PRR9: variants seen among roughly 807,000 people sequenced by gnomAD.
PRR9 encodes the protein proline-rich protein 9.
Under a neutral mutation model 2.6 loss-of-function variants are expected in PRR9, and 3 were observed. That is an observed-to-expected ratio of 1.15 (90% CI 0.53 to 2.98). The LOEUF (loss-of-function observed/expected upper bound fraction) is 2.98, where lower values mean the gene tolerates loss of function less well. PRR9 is among the 30% of genes most tolerant of loss of function. The pLI, the probability that PRR9 is intolerant of heterozygous loss-of-function variation, is 0.03. For synonymous variants in PRR9, 48 were observed against 50.4 expected, an observed-to-expected ratio of 0.95 and a Z score of 0.20; for missense variants, 141 against 132.0, an observed-to-expected ratio of 1.07 and a Z score of -0.33.
chr1:153,218,214 C>T lies in PRR9; in HGVS notation c.70C>T (p.Gln24Ter), dbSNP rs1260816778. ...PPPCLPKTQE[Q>*]CQAKAEEVCL... Reference sequence around the variant, plus strand: ...TCCATGCCTCCCAAAGACCCAGGAGCAGTGCCAAGCAAAGGCTGAGGAGGT... The same window carrying T: ...TCCATGCCTCCCAAAGACCCAGGAGTAGTGCCAAGCAAAGGCTGAGGAGGT... Residue 24 changes from glutamine to a stop codon, truncating the protein, a stop_gained, in exon 2 of 2, where the codon CAG becomes TAG. Coordinates refer to ENST00000368744, the MANE Select transcript of PRR9 (RefSeq NM_001195571.2). LOFTEE classifies it low-confidence loss of function (END_TRUNC). 3.9e-6 allele frequency: 6 copies of T among 1,550,664 alleles called. No homozygotes were observed. In the South Asian group the frequency reaches 4.8e-5, roughly 12 times the overall value.
At position 153,218,558 on chromosome 1, in the gene PRR9, C is replaced by A; in HGVS notation, c.*63C>A. On this transcript the variant is annotated 3_prime_UTR_variant, in exon 2 of 2. Transcript: ENST00000368744. ...CAGATGAAACCCTGACCCCAGCCCA[C>A]GCTCTGGTGACCTTCTTCTGTGGGT... 2.4e-6 allele frequency: 3 copies of A among 1,237,084 alleles called. No homozygotes were observed. The highest frequency in any genetic ancestry group is 1.5e-5 in the South Asian group (1 of 68,398). 76.6% of individuals were successfully genotyped at this position (1,237,084 alleles called of 1,614,324 possible).
chr1:153,218,505 T>C lies in PRR9; in HGVS notation c.*10T>C, dbSNP rs1197072261. ...TGGCAAGGGAAAGTAGCTGCTCATA[T>C]GTCATCTGGGTTCAAGAAGATGGCC... On this transcript the variant is annotated 3_prime_UTR_variant, in exon 2 of 2. Coordinates refer to ENST00000368744, the MANE Select transcript of PRR9 (RefSeq NM_001195571.2). The C allele has an allele frequency of 2.6e-6, 4 of 1,540,796 alleles. No individual in the cohort carries two copies. The highest frequency in any genetic ancestry group is 3.5e-6 in the Non-Finnish European group (4 of 1,139,834).
rs886657062 is a variant in PRR9 at position 153,219,041 on chromosome 1, A to G, written c.*546A>G. The G allele has an allele frequency of 1.2e-5, 2 of 167,912 alleles. No homozygotes were observed. Among genetic ancestry groups the G allele is most frequent in the African/African-American group, 4.8e-5 (2 of 41,438 alleles). The allele number at this position is 167,912 out of a possible 1,614,324, so 10.4% of individuals were successfully genotyped here. A position where few individuals can be genotyped will look rare whatever the true frequency, so the allele number is the denominator to read the frequency against. On this transcript the variant is annotated 3_prime_UTR_variant, in exon 2 of 2. Coordinates refer to ENST00000368744, the MANE Select transcript of PRR9 (RefSeq NM_001195571.2). ...AGAACAGCAAATTATTGAACTTTGA[A>G]ATGTTGGTTGTGCTTTTTTAAAATG...
At position 153,218,433 on chromosome 1, in the gene PRR9, T is replaced by A; in HGVS notation, c.289T>A (p.Cys97Ser). The change falls in exon 2 of 2, where the codon TGT becomes AGT. Residue 97 changes from cysteine to serine, a missense_variant. Physicochemically the swap from Cys to Ser is moderately radical, Grantham distance 112 (BLOSUM62 -1). Coordinates refer to ENST00000368744, the MANE Select transcript of PRR9 (RefSeq NM_001195571.2). The stretch of plus-strand genomic sequence containing the variant: ...ATGCCAGGAGCTATTCCAGACAAAA[T>A]GTGTGGAGGTTTGCCCACAGAAAGT... ...EPCQELFQTK[C>S]VEVCPQKVQE... is the part of the protein sequence containing the mutation. The A allele has an allele frequency of 1.9e-6, 3 of 1,550,436 alleles. No homozygotes were observed. Among genetic ancestry groups the A allele is most frequent in the Non-Finnish European group, 1.7e-6 (2 of 1,146,966 alleles).
Position 153,218,256 on chromosome 1 carries a change from C to A in PRR9, c.112C>A (p.Gln38Lys). ...TGAGGAGGTGTGCCTCCCCACATGC[C>A]AGCACCCCTGCCAAGATAAGTGTCT... The part of the protein sequence containing the change: ...KAEEVCLPTC[Q>K]HPCQDKCLVQ... The change falls in exon 2 of 2, where the codon CAG (glutamine) becomes AAG (lysine). Residue 38 changes from glutamine (Q) to lysine (K), a missense_variant. Coordinates refer to ENST00000368744, the MANE Select transcript of PRR9 (RefSeq NM_001195571.2). The A allele has an allele frequency of 6.4e-7, 1 of 1,550,624 alleles. No homozygotes were observed. Among genetic ancestry groups the A allele is most frequent in the South Asian group, 1.2e-5 (1 of 84,064 alleles).
chr1:153,218,276 G>A lies in PRR9; in HGVS notation c.132G>A (p.Lys44=). The part of the protein sequence containing the change: ...LPTCQHPCQD[K]CLVQAQEVCL... ...CATGCCAGCACCCCTGCCAAGATAA[G>A]TGTCTAGTGCAGGCCCAGGAGGTAT... is the stretch of plus-strand genomic sequence containing the variant. Residue 44 remains lysine (K), a synonymous_variant, in exon 2 of 2, where the codon AAG becomes AAA. Transcript: ENST00000368744. The A allele has an allele frequency of 6.4e-7, 1 of 1,550,586 alleles. No individual in the cohort carries two copies.
chr1:153,218,543 C>T lies in PRR9; in HGVS notation c.*48C>T, dbSNP rs1413686522. 1.1e-5 allele frequency: 16 copies of T among 1,397,134 alleles called. No individual in the cohort carries two copies. In the East Asian group the frequency reaches 3.7e-4, roughly 33 times the overall value. The allele number at this position is 1,397,134 out of a possible 1,614,324, so 86.5% of individuals were successfully genotyped here. On this transcript the variant is annotated 3_prime_UTR_variant, in exon 2 of 2. Coordinates refer to ENST00000368744, the MANE Select transcript of PRR9 (RefSeq NM_001195571.2). ...CAAGAAGATGGCCAGCAGATGAAACCCTGACCCCAGCCCACGCTCTGGTGA... is the reference window on the plus strand; with the variant it reads ...CAAGAAGATGGCCAGCAGATGAAACTCTGACCCCAGCCCACGCTCTGGTGA...
chr1:153,218,602 C>A lies in PRR9; in HGVS notation c.*107C>A. On this transcript the variant is annotated 3_prime_UTR_variant, in exon 2 of 2. Transcript: ENST00000368744. ...TGTGGGTACCTCTGTGTGCAATGTA[C>A]CTTCTTGCCTCCTGGCTTCCTTAGC... 2 of 744,552 alleles carry A rather than the reference C, an allele frequency of 2.7e-6. No homozygotes were observed. Among genetic ancestry groups the A allele is most frequent in the South Asian group, 3.7e-5 (2 of 53,398 alleles). 46.1% of individuals were successfully genotyped at this position (744,552 alleles called of 1,614,324 possible).
In PRR9 at chr1:153,218,523, A is replaced by C; in HGVS notation, c.*28A>C. 6.6e-7 allele frequency: 1 copy of C among 1,507,344 alleles called. No individual in the cohort carries two copies. Among genetic ancestry groups the C allele is most frequent in the Admixed American group, 2.0e-5 (1 of 49,610 alleles). 93.4% of individuals were successfully genotyped at this position (1,507,344 alleles called of 1,614,324 possible). On this transcript the variant is annotated 3_prime_UTR_variant, in exon 2 of 2. Coordinates refer to ENST00000368744, the MANE Select transcript of PRR9 (RefSeq NM_001195571.2). Reference sequence around the variant, plus strand: ...GCTCATATGTCATCTGGGTTCAAGAAGATGGCCAGCAGATGAAACCCTGAC... The same window carrying C: ...GCTCATATGTCATCTGGGTTCAAGACGATGGCCAGCAGATGAAACCCTGAC...
At position 153,218,400 on chromosome 1, in the gene PRR9, G is replaced by C. The variant is rs750062730; in HGVS notation, c.256G>C (p.Ala86Pro). The change falls in exon 2 of 2, where the codon GCA (alanine) becomes CCA (proline). Residue 86 changes from alanine to proline, a missense_variant. By Grantham distance (27) the Ala-to-Pro change is conservative. Coordinates refer to ENST00000368744, the MANE Select transcript of PRR9 (RefSeq NM_001195571.2). The stretch of plus-strand genomic sequence containing the variant: ...CCAAGACCAGTGTCCACCTCAGTGT[G>C]CAGAGCCATGCCAGGAGCTATTCCA... ...PCQDQCPPQC[A>P]EPCQELFQTK... is the part of the protein sequence containing the mutation. The C allele has an allele frequency of 2.6e-5, 40 of 1,550,520 alleles. No homozygotes were observed. The highest frequency in any genetic ancestry group is 3.5e-5 in the Non-Finnish European group (40 of 1,147,016).
chr1:153,218,085 T>A (rs1011215890), intron 1 of PRR9, 40 bp from the exon 2 acceptor site: 3 of 1,337,482 alleles, frequency 2.2e-6, no homozygotes, highest in East Asian at 2.5e-5. Context: ...CATGCTGATA[T>A]TTTTAATACA....
In PRR9 at chr1:153,218,511, C is replaced by A. The variant is rs748552623; in HGVS notation, c.*16C>A. 3.3e-6 allele frequency: 5 copies of A among 1,533,474 alleles called. No individual in the cohort carries two copies. Among genetic ancestry groups the A allele is most frequent in the Middle Eastern group, 1.7e-4 (1 of 5,900 alleles). 95.0% of individuals were successfully genotyped at this position (1,533,474 alleles called of 1,614,324 possible). A position where few individuals can be genotyped will look rare whatever the true frequency, so the allele number is the denominator to read the frequency against. On this transcript the variant is annotated 3_prime_UTR_variant, in exon 2 of 2. Coordinates refer to ENST00000368744, the MANE Select transcript of PRR9 (RefSeq NM_001195571.2). ...GGGAAAGTAGCTGCTCATATGTCAT[C>A]TGGGTTCAAGAAGATGGCCAGCAGA...
rs1409438496 is a variant in PRR9 at position 153,218,240 on chromosome 1, G to A, written c.96G>A (p.Val32=). The change falls in exon 2 of 2, where the codon GTG becomes GTA. Residue 32 remains valine, a synonymous_variant. Coordinates refer to ENST00000368744, the MANE Select transcript of PRR9 (RefSeq NM_001195571.2). ...QEQCQAKAEE[V]CLPTCQHPCQ... ...AGTGCCAAGCAAAGGCTGAGGAGGT[G>A]TGCCTCCCCACATGCCAGCACCCCT... The A allele has an allele frequency of 1.3e-6, 2 of 1,550,624 alleles. No homozygotes were observed. The highest frequency in any genetic ancestry group is 1.2e-5 in the South Asian group (1 of 84,062).
rs1215022859 is a variant in PRR9, at chr1:153,218,490, A to C, written c.346A>C (p.Lys116Gln). The change falls in exon 2 of 2, where the codon AAG (lysine) becomes CAG (glutamine). Residue 116 changes from lysine to glutamine, a missense_variant. Transcript: ENST00000368744. ...QEKCSSPGKG[K>Q] ...GAAGTGCTCATCCCCTGGCAAGGGAAAGTAGCTGCTCATATGTCATCTGGG... is the reference window on the plus strand; with the variant it reads ...GAAGTGCTCATCCCCTGGCAAGGGACAGTAGCTGCTCATATGTCATCTGGG... 4 of 1,548,736 alleles carry C rather than the reference A, an allele frequency of 2.6e-6. No homozygotes were observed. Among genetic ancestry groups the C allele is most frequent in the East Asian group, 4.9e-5 (2 of 40,902 alleles).
In PRR9 at chr1:153,218,244, C is replaced by T. The variant is rs1657965828; in HGVS notation, c.100C>T (p.Leu34Phe). 6.4e-7 allele frequency: 1 copy of T among 1,550,648 alleles called. No individual in the cohort carries two copies. The highest frequency in any genetic ancestry group is 8.7e-7 in the Non-Finnish European group (1 of 1,146,992). Reference sequence around the variant, plus strand: ...CCAAGCAAAGGCTGAGGAGGTGTGCCTCCCCACATGCCAGCACCCCTGCCA... The same window carrying T: ...CCAAGCAAAGGCTGAGGAGGTGTGCTTCCCCACATGCCAGCACCCCTGCCA... ...QCQAKAEEVCLPTCQHPCQDK... is the reference protein window; with the variant it reads ...QCQAKAEEVCFPTCQHPCQDK... The change falls in exon 2 of 2, where the codon CTC becomes TTC. Residue 34 changes from leucine to phenylalanine, a missense_variant. Coordinates refer to ENST00000368744, the MANE Select transcript of PRR9 (RefSeq NM_001195571.2).
chr1:153,218,349 G>A lies in PRR9; in HGVS notation c.205G>A (p.Gly69Ser). Residue 69 changes from glycine (G) to serine (S), a missense_variant, in exon 2 of 2, where the codon GGC becomes AGC. Physicochemically the swap from Gly to Ser is moderately conservative, Grantham distance 56. Transcript: ENST00000368744. ...ESSQEKCPQQ[G>S]QEPYLPPCQD... ...AAGTCAAGAAAAATGCCCACAGCAA[G>A]GCCAAGAGCCATACCTACCTCCATG... 1 of 1,550,618 alleles carries A rather than the reference G, an allele frequency of 6.4e-7. No homozygotes were observed. The highest frequency in any genetic ancestry group is 2.4e-5 in the East Asian group (1 of 40,902).
Position 153,217,968 on chromosome 1 carries a change from T to C in PRR9, c.-20-157T>C, listed in dbSNP as rs551559864. On this transcript the variant is annotated intron_variant, in intron 1 of 1. Transcript: ENST00000368744. ...AGCCAGGATAGAAAAGAGAAAGAGA[T>C]AAAAAGCAGCCAAGAAATTAGTTCT... Among the ~76,000 whole-genome samples the C allele has an allele frequency of 3.0e-4, 45 of 152,266 alleles. 1 individual carries two copies. Among genetic ancestry groups the C allele is most frequent in the African/African-American group, 1.1e-3 (45 of 41,544 alleles).
Position 153,218,114 on chromosome 1 carries a change from GTTT to G in PRR9, c.-20-6_-20-4del. The G allele has an allele frequency of 6.8e-7, 1 of 1,469,650 alleles. No individual in the cohort carries two copies. Among genetic ancestry groups the G allele is most frequent in the Non-Finnish European group, 9.1e-7 (1 of 1,098,412 alleles). 91.0% of individuals were successfully genotyped at this position (1,469,650 alleles called of 1,614,324 possible). Reference sequence around the variant, plus strand: ...TAATACAGATAATTTCGAATCTTGTGTTTTTTTCAGGCTCTGCAAATCACCCTA... The same window carrying G: ...TAATACAGATAATTTCGAATCTTGTGTTTTCAGGCTCTGCAAATCACCCTA... On this transcript the variant is annotated splice_polypyrimidine_tract_variant and splice_region_variant and intron_variant, in intron 1 of 1. Coordinates refer to ENST00000368744, the MANE Select transcript of PRR9 (RefSeq NM_001195571.2).
chr1:153,218,108 T>C lies in PRR9; in HGVS notation c.-20-17T>C. ...TATTTTTAATACAGATAATTTCGAA[T>C]CTTGTGTTTTTTTCAGGCTCTGCAA... On this transcript the variant is annotated splice_polypyrimidine_tract_variant and intron_variant, in intron 1 of 1. Coordinates refer to ENST00000368744, the MANE Select transcript of PRR9 (RefSeq NM_001195571.2). 1 of 1,445,672 alleles carries C rather than the reference T, an allele frequency of 6.9e-7. No homozygotes were observed. The highest frequency in any genetic ancestry group is 9.3e-7 in the Non-Finnish European group (1 of 1,079,236). 89.6% of individuals were successfully genotyped at this position (1,445,672 alleles called of 1,614,324 possible). A position where few individuals can be genotyped will look rare whatever the true frequency, so the allele number is the denominator to read the frequency against.
Sources: allele counts gnomAD v4.1 joint callset (sites outside exome capture counted in the v4.1 genomes callset), GRCh38; gene constraint gnomAD v4.1.1; transcripts MANE v1.5; gene names NCBI Gene and HGNC (gene_info 2026-07-23, HGNC 2026-07-21).